Variants in LCN12 observed in about 807,000 individuals in gnomAD.
The protein encoded by LCN12 is epididymal-specific lipocalin-12.
LCN12 carries 15 observed loss-of-function variants against 23.7 expected under a neutral mutation model. The ratio of observed to expected loss-of-function variants is 0.63; its 90% confidence interval spans 0.42 to 0.97. The LOEUF is 0.97. Among genes scored for constraint, LCN12 ranks in the 50% least tolerant of loss-of-function variants. LCN12 has a pLI of 0.00. For synonymous variants in LCN12, 116 were observed against 111.5 expected (o/e 1.04, Z -0.25); for missense variants, 219 against 249.6 (o/e 0.88, Z 0.83).
At chr9:136,954,288 G>A (rs755368397) in intron 5 of LCN12, 33 bp downstream of exon 5, 93 of 1,551,154 alleles carry the variant, frequency 6.0e-5, no homozygotes, top group Non-Finnish European at 7.0e-5. Context: ...ATGCTGGGCA[G>A]TAGGCACGGG....
intron 2 of LCN12, chr9:136,953,441 C>T (rs1851223394): frequency 6.2e-6 from 3 of 483,090 alleles, no homozygotes; most frequent in Non-Finnish European, 7.4e-6. Context: ...ACCTGTAATC[C>T]CAGCACTTTA....
intron 2 of LCN12, chr9:136,953,345 A>C: frequency 1.0e-5 from 1 of 97,646 alleles, no homozygotes; most frequent in Non-Finnish European, 1.9e-5. Flanking sequence ...GCTGGCTCAC[A>C]CCTGTAATCC....
rs752339711 is a variant in LCN12, at chr9:136,955,421, G to A, written c.*22G>A. The A allele has an allele frequency of 2.3e-5, 37 of 1,610,616 alleles. No individual in the cohort carries two copies. Among genetic ancestry groups the A allele is most frequent in the Admixed American group, 3.3e-5 (2 of 59,966 alleles). On this transcript the variant is annotated 3_prime_UTR_variant, in exon 6 of 6. Transcript: ENST00000371633. ...TTGAAGGATGAAGCAGCTCCTGTCC[G>A]GCCCAGCCCTGCCTCACAGCTGTGC...
At chr9:136,953,187 A>T (rs1351782555) in intron 2 of LCN12, 159 bp downstream of exon 2, 1 of 1,021,186 alleles carries the variant, frequency 9.8e-7, no homozygotes, top group East Asian at 2.6e-5. Context: ...TATACAAAAA[A>T]GTGTGGGCAG....
At position 136,952,445 on chromosome 9, in the gene LCN12, C is replaced by CA. The variant is rs773324269; in HGVS notation, c.114+5dup. The CA allele has an allele frequency of 1.4e-5, 23 of 1,597,958 alleles. No homozygotes were observed. The highest frequency in any genetic ancestry group is 1.9e-5 in the Non-Finnish European group (22 of 1,166,174). On this transcript the variant is annotated splice_donor_region_variant and intron_variant, in intron 1 of 5. Coordinates refer to ENST00000371633, the MANE Select transcript of LCN12 (RefSeq NM_178536.4). ...GCAGAGCTTCCAAGGAAACCAGGTA[C>CA]AGGGGTTTTGACGGAAGGAGAAGCA...
At chr9:136,950,272 A>C (rs1366937449), upstream of LCN12, among the ~76,000 whole-genome samples, 6 of 152,304 alleles carry the variant, frequency 3.9e-5, no homozygotes, top group Non-Finnish European at 7.4e-5. Context: ...TGGGGGGCAC[A>C]GAGGTTAACG....
chr9:136,953,666 G>T, intron 2 of LCN12, 34 bp from the exon 3 acceptor site: 1 of 1,503,008 alleles, frequency 6.7e-7, no homozygotes, highest in East Asian at 2.3e-5. Context: ...GCCAGCTTCC[G>T]GAGCCTTCCG....
intron 1 of LCN12, chr9:136,952,688 C>A (rs1001586424): frequency 3.1e-6 from 2 of 652,796 alleles, no homozygotes; most frequent in South Asian, 3.9e-5. Flanking sequence ...TCGGGAAGGC[C>A]GCACAGCCAC....
upstream of LCN12, among the ~76,000 whole-genome samples, chr9:136,950,035 G>C (rs1424368366): frequency 6.6e-6 from 1 of 151,976 alleles, no homozygotes; most frequent in Non-Finnish European, 1.5e-5. Flanking sequence ...GACTCCCCCG[G>C]GAGCCCCGCA....
At chr9:136,950,237 G>C (rs1226495127), upstream of LCN12, among the ~76,000 whole-genome samples, 1 of 152,224 alleles carries the variant, frequency 6.6e-6, no homozygotes, top group Non-Finnish European at 1.5e-5. Context: ...CCATTGTCGT[G>C]TCCGGGAGGC....
At chr9:136,956,461 T>C (rs1450794640), downstream of LCN12, among the ~76,000 whole-genome samples, 1 of 152,210 alleles carries the variant, frequency 6.6e-6, no homozygotes, top group African/African-American at 2.4e-5. Context: ...CTCCCTGCCC[T>C]GACGGCCCCA....
chr9:136,955,498 G>T, downstream of LCN12: 1 of 1,313,754 alleles, frequency 7.6e-7, no homozygotes. Flanking sequence ...CAAGCCCAGA[G>T]CCCCAGAGTG....
upstream of LCN12, chr9:136,949,479 G>A (rs1374805275): frequency 6.6e-6 from 1 of 152,274 alleles, no homozygotes; most frequent in Non-Finnish European, 1.5e-5. Context: ...CCTCCATGTG[G>A]GGACGAGGCA....
At chr9:136,951,972 G>C (rs763993941), upstream of LCN12, among the ~76,000 whole-genome samples, 4 of 152,244 alleles carry the variant, frequency 2.6e-5, no homozygotes, top group Non-Finnish European at 5.9e-5. Context: ...AGGGAGGAAG[G>C]CTGGGGCAGG....
Position 136,955,449 on chromosome 9 carries a change from G to T in LCN12, c.*50G>T, listed in dbSNP as rs375288296. ...CCAGCCCTGCCTCACAGCTGTGCGAGCTCTGCCCTCCTCAGCTCTCAAACC... is the reference window on the plus strand; with the variant it reads ...CCAGCCCTGCCTCACAGCTGTGCGATCTCTGCCCTCCTCAGCTCTCAAACC... On this transcript the variant is annotated 3_prime_UTR_variant, in exon 6 of 6. Transcript: ENST00000371633. 2 of 1,565,788 alleles carry T rather than the reference G, an allele frequency of 1.3e-6. No individual in the cohort carries two copies. The highest frequency in any genetic ancestry group is 1.8e-6 in the Non-Finnish European group (2 of 1,138,054).
chr9:136,954,107 A>G (rs1433642303), intron 4 of LCN12, 47 bp from the exon 5 acceptor site: 1 of 1,514,264 alleles, frequency 6.6e-7, no homozygotes, highest in Admixed American at 2.1e-5. Context: ...CCAGCCCCCA[A>G]CCCCCTGCCA....
In LCN12 at chr9:136,955,045, T is replaced by TCTGCACACAC. The variant is rs536256202; in HGVS notation, c.551-307_551-298dup. 1.4e-5 allele frequency: 20 copies of TCTGCACACAC among 1,399,674 alleles called. No individual in the cohort carries two copies. The South Asian group carries it at 2.4e-4, about 17-fold the overall frequency. The allele number at this position is 1,399,674 out of a possible 1,614,324, so 86.7% of individuals were successfully genotyped here. ...ACCCGTGCACAGGCACACGTGCTGG[T>TCTGCACACAC]CTGCACACACCTGCACACACCTGCA... On this transcript the variant is annotated intron_variant, in intron 5 of 5. Transcript: ENST00000371633.
chr9:136,953,019 C>G lies in LCN12; in HGVS notation c.242C>G (p.Ala81Gly). ...GATGGCCGCTTTGAGGTGTGGAATG[C>G]GATGACTCGGTGAGTGGCTGTCCCT... ...SDDGRFEVWN[A>G]MTRGQHCDTW... Residue 81 changes from alanine to glycine, a missense_variant, in exon 2 of 6, where the codon GCG (alanine) becomes GGG (glycine). Physicochemically the swap from Ala to Gly is moderately conservative, Grantham distance 60. Transcript: ENST00000371633. 2 of 1,613,844 alleles carry G rather than the reference C, an allele frequency of 1.2e-6. No individual in the cohort carries two copies. Among genetic ancestry groups the G allele is most frequent in the Non-Finnish European group, 1.7e-6 (2 of 1,179,918 alleles).
chr9:136,950,195 G>T (rs1313401373), upstream of LCN12, among the ~76,000 whole-genome samples: 4 of 152,244 alleles, frequency 2.6e-5, no homozygotes, highest in Non-Finnish European at 5.9e-5. Context: ...ACCTGCGTCT[G>T]CCCCGCGGTG....
Sources: allele counts gnomAD v4.1 joint callset (sites outside exome capture counted in the v4.1 genomes callset), GRCh38; gene constraint gnomAD v4.1.1; transcripts MANE v1.5; gene names NCBI Gene and HGNC (gene_info 2026-07-23, HGNC 2026-07-21).